The following ENTPD1 variants were observed in gnomAD, a reference collection of about 807,000 sequenced individuals.
The protein encoded by ENTPD1 is ATP diphosphohydrolase.
In ENTPD1, 33 loss-of-function variants were observed where a neutral mutation model predicts 57.0. The observed-to-expected ratio is 0.58, with a 90% confidence interval of 0.44 to 0.77. ENTPD1 has a LOEUF of 0.77. Ranked by LOEUF, ENTPD1 falls within the 30% of genes least tolerant of loss-of-function variation. ENTPD1 has a pLI of 0.00. For synonymous variants in ENTPD1, 202 were observed against 218.8 expected (o/e 0.92, Z 0.68); for missense variants, 501 against 603.4 (o/e 0.83, Z 1.78).
At chr10:95,713,267 A>G (rs191928905) in intron 1 of ENTPD1, among the ~76,000 whole-genome samples, 34 of 152,316 alleles carry the variant, frequency 2.2e-4, no homozygotes, top group Non-Finnish European at 4.6e-4. Flanking sequence ...TGGAAATTCT[A>G]ATCATCAGTG....
chr10:95,761,208 C>T (rs1003999339), intron 1 of ENTPD1, among the ~76,000 whole-genome samples: 5 of 152,066 alleles, frequency 3.3e-5, no homozygotes, highest in African/African-American at 1.2e-4. Context: ...CACTAAATGT[C>T]TTGATGGTTT....
the ENTPD1 span, among the ~76,000 whole-genome samples, chr10:95,694,632 T>C: frequency 5.3e-5 from 8 of 151,298 alleles, no homozygotes; most frequent in South Asian, 1.5e-3. Flanking sequence ...AGAAACATTG[T>C]CTAGGAGGTG....
At position 95,870,631 on chromosome 10, in the gene ENTPD1, A is replaced by G. The variant is rs1306846755; in HGVS notation, c.*4248A>G. Reference sequence around the variant, plus strand: ...ACAAAGTTTGCCACATAATGATAAAATTACTATGAAAATATATTCCCTTTA... The same window carrying G: ...ACAAAGTTTGCCACATAATGATAAAGTTACTATGAAAATATATTCCCTTTA... On this transcript the variant is annotated 3_prime_UTR_variant, in exon 10 of 10. Coordinates refer to ENST00000371205, the MANE Select transcript of ENTPD1 (RefSeq NM_001776.6). 1 of 985,362 alleles carries G rather than the reference A, an allele frequency of 1.0e-6. No homozygotes were observed. The highest frequency in any genetic ancestry group is 1.2e-6 in the Non-Finnish European group (1 of 829,940). 61.0% of individuals were successfully genotyped at this position (985,362 alleles called of 1,614,324 possible). A position where few individuals can be genotyped will look rare whatever the true frequency, so the allele number is the denominator to read the frequency against.
At chr10:95,702,493 A>G in the ENTPD1 span, among the ~76,000 whole-genome samples, 1 of 152,066 alleles carries the variant, frequency 6.6e-6, no homozygotes, top group Non-Finnish European at 1.5e-5. Context: ...AGAATGTAAG[A>G]GACAATGTGG....
chr10:95,751,727 A>AG (rs1398543574), upstream of ENTPD1, among the ~76,000 whole-genome samples: 1 of 152,034 alleles, frequency 6.6e-6, no homozygotes, highest in East Asian at 1.9e-4. Flanking sequence ...AAAAAAAAAA[A>AG]AAAGTAGGGA....
upstream of ENTPD1, among the ~76,000 whole-genome samples, chr10:95,710,455 C>G (rs1297627291): frequency 6.6e-6 from 1 of 151,952 alleles, no homozygotes; most frequent in Admixed American, 6.6e-5. Flanking sequence ...TGTAATTTAT[C>G]TAAATTATTG....
intron 1 of ENTPD1, among the ~76,000 whole-genome samples, chr10:95,790,159 C>G: frequency 6.6e-6 from 1 of 152,120 alleles, no homozygotes; most frequent in Admixed American, 6.5e-5. Flanking sequence ...GGTTGCCCAC[C>G]ACTTCAGATA....
At chr10:95,753,097 G>A (rs998896853), upstream of ENTPD1, 1 of 152,056 alleles carries the variant, frequency 6.6e-6, no homozygotes, top group Non-Finnish European at 1.5e-5. Flanking sequence ...TTAAAAGACA[G>A]ACAAATATCT....
intron 1 of ENTPD1, among the ~76,000 whole-genome samples, chr10:95,734,729 T>C (rs2097992747): frequency 6.6e-6 from 1 of 152,234 alleles, no homozygotes; most frequent in Non-Finnish European, 1.5e-5. Flanking sequence ...GGTAGTCATA[T>C]GTCACACTGA....
intron 1 of ENTPD1, among the ~76,000 whole-genome samples, chr10:95,749,158 G>A (rs962590118): frequency 6.6e-6 from 1 of 152,144 alleles, no homozygotes; most frequent in Admixed American, 6.5e-5. Flanking sequence ...TCATTATCTG[G>A]AATACTTTAA....
chr10:95,734,100 C>A (rs556671281), intron 1 of ENTPD1, among the ~76,000 whole-genome samples: 2 of 152,192 alleles, frequency 1.3e-5, no homozygotes, highest in Non-Finnish European at 2.9e-5. Flanking sequence ...AAAGCCCCCT[C>A]ACCACACTCC....
rs7098750 is a variant in ENTPD1, at chr10:95,871,490, T to C, written c.*5107T>C. 102,539 of 982,184 alleles carry C rather than the reference T, an allele frequency of 0.1. 6,591 individuals carry two copies. Among genetic ancestry groups the C allele is most frequent in the African/African-American group, 0.27 (15,351 of 57,264 alleles). The allele number at this position is 982,184 out of a possible 1,614,324, so 60.8% of individuals were successfully genotyped here. A position where few individuals can be genotyped will look rare whatever the true frequency, so the allele number is the denominator to read the frequency against. On this transcript the variant is annotated 3_prime_UTR_variant, in exon 10 of 10. Coordinates refer to ENST00000371205, the MANE Select transcript of ENTPD1 (RefSeq NM_001776.6). The stretch of plus-strand genomic sequence containing the variant: ...TATTTTATACGTTTAGGACAATGTA[T>C]AGCTAATTACCCAACTTTTTATTTG...
In ENTPD1 at chr10:95,869,227, A is replaced by G. The variant is rs2141020375; in HGVS notation, c.*2844A>G. 1.1e-6 allele frequency: 1 copy of G among 908,966 alleles called. No individual in the cohort carries two copies. Among genetic ancestry groups the G allele is most frequent in the Admixed American group, 6.5e-5 (1 of 15,414 alleles). 56.3% of individuals were successfully genotyped at this position (908,966 alleles called of 1,614,324 possible). Reference sequence around the variant, plus strand: ...GAACCTATAGGGGAGAAAAAAGATCAGCAGAAGTCATTACTTTTTTTTTTT... The same window carrying G: ...GAACCTATAGGGGAGAAAAAAGATCGGCAGAAGTCATTACTTTTTTTTTTT... On this transcript the variant is annotated 3_prime_UTR_variant, in exon 10 of 10. Transcript: ENST00000371205.
intron 1 of ENTPD1, among the ~76,000 whole-genome samples, chr10:95,730,176 G>T (rs940233012): frequency 1.3e-5 from 2 of 151,632 alleles, no homozygotes; most frequent in African/African-American, 4.8e-5. Context: ...AGCTGGGACT[G>T]CAGGTATGCA....
chr10:95,867,738 C>T lies in ENTPD1; in HGVS notation c.*1355C>T. The T allele has an allele frequency of 4.1e-6, 4 of 985,466 alleles. No homozygotes were observed. Among genetic ancestry groups the T allele is most frequent in the Non-Finnish European group, 4.8e-6 (4 of 829,934 alleles). 61.0% of individuals were successfully genotyped at this position (985,466 alleles called of 1,614,324 possible). On this transcript the variant is annotated 3_prime_UTR_variant, in exon 10 of 10. Transcript: ENST00000371205. ...CAGGATTGACTGGTGATGTTTCATT[C>T]TGACCTTGTCCCAAGCTCTCCATCT... is the stretch of plus-strand genomic sequence containing the variant.
intron 1 of ENTPD1, among the ~76,000 whole-genome samples, chr10:95,740,740 A>G (rs1179086698): frequency 6.6e-6 from 1 of 152,212 alleles, no homozygotes; most frequent in Non-Finnish European, 1.5e-5. Context: ...ACCTCACTGC[A>G]GCTTCTCCAT....
intron 1 of ENTPD1, among the ~76,000 whole-genome samples, chr10:95,762,848 G>A (rs745989355): frequency 6.6e-6 from 1 of 152,080 alleles, no homozygotes; most frequent in Non-Finnish European, 1.5e-5. Context: ...GACAGCTTTG[G>A]TGTTTTTGTT....
At chr10:95,733,327 G>A (rs1268562599) in intron 1 of ENTPD1, among the ~76,000 whole-genome samples, 2 of 152,144 alleles carry the variant, frequency 1.3e-5, no homozygotes, top group Non-Finnish European at 2.9e-5. Flanking sequence ...CTGTTATCCT[G>A]TTCTTTTTTC....
intron 1 of ENTPD1, among the ~76,000 whole-genome samples, chr10:95,737,179 G>T (rs1020692919): frequency 2.0e-5 from 3 of 152,120 alleles, no homozygotes; most frequent in Non-Finnish European, 4.4e-5. Flanking sequence ...ACTATTCAGT[G>T]CAGGACAAAA....
Sources: allele counts gnomAD v4.1 joint callset (sites outside exome capture counted in the v4.1 genomes callset), GRCh38; gene constraint gnomAD v4.1.1; transcripts MANE v1.5; gene names NCBI Gene and HGNC (gene_info 2026-07-23, HGNC 2026-07-21).